The following TCOF1 variants were observed in gnomAD, a reference collection of about 807,000 sequenced individuals.
TCOF1 encodes the protein treacle ribosome biogenesis factor 1, also known as treacle protein.
In TCOF1, 33 loss-of-function variants were observed where a neutral mutation model predicts 149.0. The ratio of observed to expected loss-of-function variants is 0.22; its 90% confidence interval spans 0.17 to 0.30. The LOEUF (loss-of-function observed/expected upper bound fraction) is 0.30, where lower values mean the gene tolerates loss of function less well. TCOF1 is among the 10% of genes least tolerant of loss of function. The pLI, the probability that TCOF1 is intolerant of heterozygous loss-of-function variation, is 1.00. For missense variants in TCOF1, 1,728 were observed against 1,840.7 expected (o/e 0.94, Z 1.12); for synonymous variants, 789 against 738.8 (o/e 1.07, Z -1.10).
In TCOF1 at chr5:150,396,334, G is replaced by A; in HGVS notation, c.3837G>A (p.Lys1279=). ...GTTPQKSRKP[K]KGAGNPQAST... is the part of the protein sequence containing the mutation. ...CACCTCAGAAGTCCCGGAAGCCCAA[G>A]AAAGGGGCTGGGAACCCCCAAGCCT... Residue 1279 remains lysine, a synonymous_variant, in exon 24 of 27, where the codon AAG becomes AAA. Coordinates refer to ENST00000643257, the MANE Select transcript of TCOF1 (RefSeq NM_001371623.1). 1 of 1,613,978 alleles carries A rather than the reference G, an allele frequency of 6.2e-7. No homozygotes were observed. Among genetic ancestry groups the A allele is most frequent in the Non-Finnish European group, 8.5e-7 (1 of 1,180,048 alleles).
At position 150,368,888 on chromosome 5, in the gene TCOF1, C is replaced by A; in HGVS notation, c.551C>A (p.Ala184Asp). ...GAGGGCAGCGTCCCGGCCTTTGGAG[C>A]TGCTGCCAAGCCTGGTAAGAAGTCC... ...EEEGSVPAFG[A>D]AAKPGMVSAG... Residue 184 changes from alanine (A) to aspartate (D), a missense_variant, in exon 5 of 27, where the codon GCT becomes GAT. This residue lies in a region of TCOF1 where 1,696 missense variants were observed against 1,765.4 expected (regional missense o/e 0.96). Transcript: ENST00000643257. The A allele has an allele frequency of 6.2e-7, 1 of 1,613,756 alleles. No homozygotes were observed. The highest frequency in any genetic ancestry group is 8.5e-7 in the Non-Finnish European group (1 of 1,180,020).
In TCOF1 at chr5:150,375,899, C is replaced by T. The variant is rs1178332406; in HGVS notation, c.1883C>T (p.Thr628Ile). The change falls in exon 12 of 27, where the codon ACT (threonine) becomes ATT (isoleucine). Residue 628 changes from threonine (T) to isoleucine (I), a missense_variant. Transcript: ENST00000643257. ...AGTGAGGAGGCACCAGCAGCCATGA[C>T]TGCAGCTCAGGTGAGGCCTGGGGAA... ...ADSEEAPAAMTAAQAKPALKI... is the reference protein window; with the variant it reads ...ADSEEAPAAMIAAQAKPALKI... 1 of 1,614,196 alleles carries T rather than the reference C, an allele frequency of 6.2e-7. No homozygotes were observed. Among genetic ancestry groups the T allele is most frequent in the Non-Finnish European group, 8.5e-7 (1 of 1,180,042 alleles).
intron 17 of TCOF1, chr5:150,379,991 G>A: frequency 2.3e-6 from 1 of 437,518 alleles, no homozygotes; most frequent in South Asian, 2.0e-5. Context: ...AGAATCCCTA[G>A]AACCTGGGAG....
intron 1 of TCOF1, among the ~76,000 whole-genome samples, chr5:150,360,793 G>A (rs1217239298): frequency 6.6e-6 from 1 of 150,600 alleles, no homozygotes; most frequent in East Asian, 1.9e-4. Flanking sequence ...CTGGAGTGCG[G>A]TGGCACAAGC....
chr5:150,372,289 C>T (rs1031996021), intron 7 of TCOF1, 53 bp downstream of exon 7: 1 of 1,493,904 alleles, frequency 6.7e-7, no homozygotes, highest in Non-Finnish European at 9.1e-7. Flanking sequence ...CCCCCAGCAG[C>T]CTGAGCACTC....
At chr5:150,392,240 C>A (rs1395746994) in intron 21 of TCOF1, 64 bp downstream of exon 21, 23 of 1,544,796 alleles carry the variant, frequency 1.5e-5, no homozygotes, top group Non-Finnish European at 1.9e-5. Flanking sequence ...CCTGGTGGAG[C>A]CATAGCTCTG....
At chr5:150,391,690 C>G (rs191006428) in intron 20 of TCOF1, 33 bp downstream of exon 20, 1 of 1,589,862 alleles carries the variant, frequency 6.3e-7, no homozygotes, top group African/African-American at 1.3e-5. Context: ...AGCAAGCCCA[C>G]GGAGCGTAGA....
At chr5:150,397,620 C>T (rs1206929339) in intron 24 of TCOF1, among the ~76,000 whole-genome samples, 1 of 152,192 alleles carries the variant, frequency 6.6e-6, no homozygotes, top group African/African-American at 2.4e-5. Flanking sequence ...CACTCTCGAG[C>T]ATCGCCCTGG....
In TCOF1 at chr5:150,389,887, G is replaced by A. The variant is rs1767056055; in HGVS notation, c.3047G>A (p.Gly1016Asp). The A allele has an allele frequency of 6.2e-7, 1 of 1,614,104 alleles. No individual in the cohort carries two copies. Among genetic ancestry groups the A allele is most frequent in the African/African-American group, 1.3e-5 (1 of 74,934 alleles). ...VIPATQCLTPGIRTNVVTMPT... is the reference protein window; with the variant it reads ...VIPATQCLTPDIRTNVVTMPT... ...GTGCCCCCATCTCGCTCCATTTCAG[G>A]CATCAGAACCAATGTGGTGACCATG... The change falls in exon 19 of 27, where the codon GGC (glycine) becomes GAC (aspartate). Residue 1016 changes from glycine to aspartate, a missense_variant and splice_region_variant. Gly to Asp is a moderately conservative substitution (Grantham distance 94). Transcript: ENST00000643257.
rs149063770 is a variant in TCOF1, at chr5:150,376,157, G to T, written c.1969G>T (p.Ala657Ser). 24 of 1,614,094 alleles carry T rather than the reference G, an allele frequency of 1.5e-5. No individual in the cohort carries two copies. In the Admixed American group the frequency reaches 4.0e-4, roughly 27 times the overall value. The change falls in exon 13 of 27, where the codon GCC (alanine) becomes TCC (serine). Residue 657 changes from alanine to serine, a missense_variant. Around this residue, in one of 2 missense-constraint regions of TCOF1, gnomAD observed 1,696 missense variants for 1,765.4 expected, o/e 0.96. Transcript: ENST00000643257. ...CAATACCACTGCATCTGCCAAGGTC[G>T]CCCCTGTGCGAGTGGGCACCCAAGC... ...KTNTTASAKV[A>S]PVRVGTQAPR... is the part of the protein sequence containing the mutation.
intron 22 of TCOF1, 162 bp from the exon 23 acceptor site, chr5:150,393,210 T>C (rs113973724): frequency 3.8e-6 from 3 of 793,104 alleles, no homozygotes; most frequent in Non-Finnish European, 6.4e-6. Flanking sequence ...CGCCAAGGGC[T>C]GAAGTGCTGC....
In TCOF1 at chr5:150,374,239, G is replaced by A; in HGVS notation, c.936G>A (p.Gly312=). 1 of 1,611,746 alleles carries A rather than the reference G, an allele frequency of 6.2e-7. No individual in the cohort carries two copies. Among genetic ancestry groups the A allele is most frequent in the Non-Finnish European group, 8.5e-7 (1 of 1,179,062 alleles). The change falls in exon 8 of 27, where the codon GGG becomes GGA. Residue 312 remains glycine, a synonymous_variant. Transcript: ENST00000643257. ...CAGCCCCTGCCAAGGGGACCCCTGG[G>A]AAAGGGGCTACCCCAGCACCCCCTG... The part of the protein sequence containing the change: ...AASAPAKGTP[G]KGATPAPPGK...
At chr5:150,391,860 T>A in intron 20 of TCOF1, 97 bp from the exon 21 acceptor site, 1 of 1,283,736 alleles carries the variant, frequency 7.8e-7, no homozygotes, top group East Asian at 2.5e-5. Context: ...GTGTGCCCCA[T>A]CTAACACAGT....
At position 150,375,891 on chromosome 5, in the gene TCOF1, A is replaced by C; in HGVS notation, c.1875A>C (p.Ala625=). The change falls in exon 12 of 27, where the codon GCA becomes GCC. Residue 625 remains alanine (A), a synonymous_variant. Transcript: ENST00000643257. ...GTGCGGACAGTGAGGAGGCACCAGC[A>C]GCCATGACTGCAGCTCAGGTGAGGC... ...SDSADSEEAP[A]AMTAAQAKPA... is the part of the protein sequence containing the mutation. 6.2e-7 allele frequency: 1 copy of C among 1,614,218 alleles called. No homozygotes were observed.
Position 150,361,200 on chromosome 5 carries a change from A to C in TCOF1, c.153A>C (p.Thr51=). The C allele has an allele frequency of 6.2e-7, 1 of 1,614,072 alleles. No homozygotes were observed. The highest frequency in any genetic ancestry group is 8.5e-7 in the Non-Finnish European group (1 of 1,179,994). Residue 51 remains threonine (T), a synonymous_variant, in exon 2 of 27, where the codon ACA becomes ACC. Coordinates refer to ENST00000643257, the MANE Select transcript of TCOF1 (RefSeq NM_001371623.1). ...AQPVTLLDIY[T]HWQQTSELGR... is the part of the protein sequence containing the mutation. ...CCGTAACCCTTCTGGACATCTATAC[A>C]CACTGGCAACAGTAAGTGGTGGGGC...
At chr5:150,360,151 A>T (rs915995989) in intron 1 of TCOF1, among the ~76,000 whole-genome samples, 1 of 152,234 alleles carries the variant, frequency 6.6e-6, no homozygotes, top group Admixed American at 6.5e-5. Context: ...CAAACCAGAT[A>T]GCAGCCTGCA....
At position 150,369,559 on chromosome 5, in the gene TCOF1, C is replaced by T; in HGVS notation, c.596C>T (p.Ser199Phe). 6.2e-7 allele frequency: 1 copy of T among 1,614,126 alleles called. No individual in the cohort carries two copies. The highest frequency in any genetic ancestry group is 8.5e-7 in the Non-Finnish European group (1 of 1,180,028). The change falls in exon 6 of 27, where the codon TCC (serine) becomes TTC (phenylalanine). Residue 199 changes from serine (S) to phenylalanine (F), a missense_variant. By Grantham distance (155) the Ser-to-Phe change is radical. Coordinates refer to ENST00000643257, the MANE Select transcript of TCOF1 (RefSeq NM_001371623.1). ...GTGTCAGCGGGCCAGGCCGACAGCTCCAGCGAGGACACCTCCAGCTCCAGT... is the reference window on the plus strand; with the variant it reads ...GTGTCAGCGGGCCAGGCCGACAGCTTCAGCGAGGACACCTCCAGCTCCAGT... ...GMVSAGQADS[S>F]SEDTSSSSDE...
At chr5:150,387,208 A>G (rs912046791) in intron 17 of TCOF1, among the ~76,000 whole-genome samples, 1 of 152,204 alleles carries the variant, frequency 6.6e-6, no homozygotes, top group Non-Finnish European at 1.5e-5. Flanking sequence ...CAGTGTCCCT[A>G]TTTCCCTGAT....
chr5:150,381,083 G>T (rs565586997), intron 17 of TCOF1, among the ~76,000 whole-genome samples: 14 of 152,288 alleles, frequency 9.2e-5, no homozygotes, highest in African/African-American at 3.4e-4. Context: ...GGGCAGACCG[G>T]AGAGCCCTTG....
Sources: gnomAD v4.1 joint callset for allele counts (sites outside exome capture counted in the v4.1 genomes callset) on GRCh38, gnomAD v4.1.1 for gene constraint, gnomAD v4.1.1 regional missense constraint, MANE v1.5 for transcripts, NCBI Gene and HGNC (gene_info 2026-07-23, HGNC 2026-07-21) for gene names.